The following AIG1 variants were observed in gnomAD, a reference collection of about 807,000 sequenced individuals.
AIG1 encodes androgen-induced gene 1 protein.
AIG1 carries 23 observed loss-of-function variants against 31.4 expected under a neutral mutation model. The observed-to-expected ratio is 0.73, with a 90% CI of 0.53 to 1.04. The LOEUF is 1.04. Ranked by LOEUF, AIG1 falls within the 50% of genes least tolerant of loss-of-function variation. The pLI is 0.00. For synonymous variants in AIG1, 100 were observed against 110.5 expected (o/e 0.90, Z 0.60); for missense variants, 274 against 295.0 (o/e 0.93, Z 0.52).
At chr6:143,300,348 T>C (rs1039706547) in intron 4 of AIG1, among the ~76,000 whole-genome samples, 1 of 152,228 alleles carries the variant, frequency 6.6e-6, no homozygotes, top group East Asian at 1.9e-4. Flanking sequence ...TTCAGAAATA[T>C]TAGCTTTGCA....
chr6:143,267,600 A>G (rs1446491031), intron 3 of AIG1, among the ~76,000 whole-genome samples: 2 of 152,118 alleles, frequency 1.3e-5, no homozygotes, highest in Non-Finnish European at 2.9e-5. Context: ...GAAGCTGAAA[A>G]GATTCTCAAG....
At chr6:143,201,726 G>A (rs534668507) in intron 3 of AIG1, among the ~76,000 whole-genome samples, 3 of 152,052 alleles carry the variant, frequency 2.0e-5, no homozygotes, top group East Asian at 1.9e-4. Context: ...TCTTTGTTAC[G>A]GACCTGGGGA....
intron 3 of AIG1, among the ~76,000 whole-genome samples, chr6:143,185,385 C>A (rs1000745290): frequency 1.3e-5 from 2 of 152,026 alleles, no homozygotes; most frequent in Admixed American, 6.6e-5. Flanking sequence ...CTCCCTGCCC[C>A]CTTTAAGCTG....
Position 143,297,648 on chromosome 6 carries a change from C to T in AIG1, c.515+13423C>T, listed in dbSNP as rs1488752677. ...TGGCCCATTTCCTGTAACACTGCTCCTACTCAGCCTCCTTGGGAGGCCCCA... is the reference window on the plus strand; with the variant it reads ...TGGCCCATTTCCTGTAACACTGCTCTTACTCAGCCTCCTTGGGAGGCCCCA... On this transcript the variant is annotated intron_variant, in intron 4 of 5. Coordinates refer to ENST00000357847, the MANE Select transcript of AIG1 (RefSeq NM_016108.4). This position sits in a 1 kb window ranked among gnomAD's most constrained non-coding sequence, Gnocchi z 5.1. Among the ~76,000 whole-genome samples the T allele has an allele frequency of 6.6e-6, 1 of 152,140 alleles. No homozygotes were observed. Among genetic ancestry groups the T allele is most frequent in the Non-Finnish European group, 1.5e-5 (1 of 68,018 alleles).
At chr6:143,170,993 G>A (rs1341899419) in intron 3 of AIG1, among the ~76,000 whole-genome samples, 5 of 152,016 alleles carry the variant, frequency 3.3e-5, no homozygotes, top group Admixed American at 2.6e-4. Context: ...TCCCATTATA[G>A]AAATTTCAGA....
chr6:143,253,809 A>C (rs1464117537), intron 3 of AIG1, among the ~76,000 whole-genome samples: 1 of 152,204 alleles, frequency 6.6e-6, no homozygotes, highest in African/African-American at 2.4e-5. Context: ...TTAATCCCCT[A>C]TCACGAAGTT....
At chr6:143,270,067 A>G (rs188604892) in intron 3 of AIG1, among the ~76,000 whole-genome samples, 1 of 152,362 alleles carries the variant, frequency 6.6e-6, no homozygotes, top group African/African-American at 2.4e-5. Flanking sequence ...ACGGATGTAG[A>G]CAAAAATTCC....
chr6:143,292,441 G>A lies in AIG1; in HGVS notation c.515+8216G>A, dbSNP rs967985156. 3.9e-5 allele frequency among the ~76,000 whole-genome samples: 6 copies of A among 152,126 alleles called. No individual in the cohort carries two copies. Among genetic ancestry groups the A allele is most frequent in the Admixed American group, 1.3e-4 (2 of 15,270 alleles). On this transcript the variant is annotated intron_variant, in intron 4 of 5. Coordinates refer to ENST00000357847, the MANE Select transcript of AIG1 (RefSeq NM_016108.4). This position sits in a 1 kb window ranked among gnomAD's most constrained non-coding sequence, Gnocchi z 4.9. ...CAGTGGAGAAAGGACTTGAACTGCC[G>A]TCACTGGCTTTGAAGACAGAGGAAG...
intron 1 of AIG1, among the ~76,000 whole-genome samples, chr6:143,096,316 T>C (rs1197717496): frequency 6.6e-6 from 1 of 152,252 alleles, no homozygotes; most frequent in East Asian, 1.9e-4. Flanking sequence ...TATTTGTTAA[T>C]TAGCACCTGA....
At chr6:143,283,920 A>T (rs1250928522) in intron 3 of AIG1, among the ~76,000 whole-genome samples, 190 bp from the exon 4 acceptor site, 1 of 152,226 alleles carries the variant, frequency 6.6e-6, no homozygotes, top group African/African-American at 2.4e-5. Flanking sequence ...GATACAGAAG[A>T]AAAATATTAA....
intron 1 of AIG1, among the ~76,000 whole-genome samples, chr6:143,072,790 A>T (rs1777410857): frequency 6.6e-6 from 1 of 152,170 alleles, no homozygotes; most frequent in African/African-American, 2.4e-5. Flanking sequence ...ATGTTATGGG[A>T]TATATTTAGA....
In AIG1 at chr6:143,327,729, T is replaced by C. The variant is rs1442119197; in HGVS notation, c.516-5553T>C. ...AAAAAAAGATAATGGATTAACTAAA[T>C]GTGATGAAAGAGAGGGAAGTATCAA... On this transcript the variant is annotated intron_variant, in intron 4 of 5. Coordinates refer to ENST00000357847, the MANE Select transcript of AIG1 (RefSeq NM_016108.4). The surrounding 1 kb of genome is among the most constrained non-coding windows in gnomAD (Gnocchi z 5.3). 6.0e-6 allele frequency: 1 copy of C among 165,980 alleles called. No homozygotes were observed. The highest frequency in any genetic ancestry group is 2.4e-5 in the African/African-American group (1 of 41,198). 10.3% of individuals were successfully genotyped at this position (165,980 alleles called of 1,614,324 possible).
chr6:143,230,521 T>C (rs1369885242), intron 3 of AIG1, among the ~76,000 whole-genome samples: 1 of 149,952 alleles, frequency 6.7e-6, no homozygotes, highest in African/African-American at 2.4e-5. Flanking sequence ...TCTTTTTTCT[T>C]TTATAATAAT....
At chr6:143,316,082 T>C (rs1026955031) in intron 4 of AIG1, among the ~76,000 whole-genome samples, 4 of 152,068 alleles carry the variant, frequency 2.6e-5, no homozygotes, top group South Asian at 2.1e-4. Flanking sequence ...CATGGCAGAA[T>C]AGGAGGTCTC....
intron 2 of AIG1, among the ~76,000 whole-genome samples, chr6:143,154,531 A>G (rs1368055833): frequency 6.6e-6 from 1 of 152,184 alleles, no homozygotes; most frequent in Non-Finnish European, 1.5e-5. Flanking sequence ...GAAAGAAAAA[A>G]AAAGTTAGTA....
chr6:143,195,635 G>A (rs1026283701), intron 3 of AIG1, among the ~76,000 whole-genome samples: 3 of 151,040 alleles, frequency 2.0e-5, no homozygotes, highest in African/African-American at 2.4e-5. Flanking sequence ...GAGGGAGCAC[G>A]GGGGAGGACA....
chr6:143,147,123 T>C (rs1784782478), intron 2 of AIG1, among the ~76,000 whole-genome samples: 1 of 152,158 alleles, frequency 6.6e-6, no homozygotes, highest in Admixed American at 6.5e-5. Context: ...GTAGGCTACG[T>C]TGGTACTTGA....
At chr6:143,152,121 C>G (rs903152981) in intron 2 of AIG1, among the ~76,000 whole-genome samples, 2 of 152,114 alleles carry the variant, frequency 1.3e-5, no homozygotes, top group Non-Finnish European at 2.9e-5. Flanking sequence ...TCATAGTATT[C>G]TGTTACTCTG....
In AIG1 at chr6:143,331,627, T is replaced by C. The variant is rs1777076584; in HGVS notation, c.516-1655T>C. Among the ~76,000 whole-genome samples, 1 of 152,072 alleles carries C rather than the reference T, an allele frequency of 6.6e-6. No homozygotes were observed. The highest frequency in any genetic ancestry group is 1.5e-5 in the Non-Finnish European group (1 of 68,008). On this transcript the variant is annotated intron_variant, in intron 4 of 5. Transcript: ENST00000357847. This position sits in a 1 kb window ranked among gnomAD's most constrained non-coding sequence, Gnocchi z 4.1. ...CTACTGATGTGTTTCTATATACATA[T>C]ATGTACATCTGTGTGTGTGTATATA...
Sources: allele counts gnomAD v4.1 joint callset (sites outside exome capture counted in the v4.1 genomes callset), GRCh38; gene constraint gnomAD v4.1.1; non-coding constraint Gnocchi (gnomAD v3.1); transcripts MANE v1.5; gene names NCBI Gene and HGNC (gene_info 2026-07-23, HGNC 2026-07-21).